The following NIN variants were observed in gnomAD, a reference collection of about 807,000 sequenced individuals.
NIN encodes the protein glycogen synthase kinase 3 beta-interacting protein.
In NIN, 137 loss-of-function variants were observed where a neutral mutation model predicts 257.6. The observed-to-expected ratio is 0.53, with a 90% confidence interval of 0.46 to 0.61. The LOEUF is 0.61. Among genes scored for constraint, NIN ranks in the 20% least tolerant of loss-of-function variants. NIN has a pLI of 0.00. For missense variants in NIN, 2,439 were observed against 2,501.2 expected (o/e 0.98, Z 0.53); for synonymous variants, 918 against 919.8 (o/e 1.00, Z 0.04).
chr14:50,771,473 A>C lies in NIN; in HGVS notation c.982-5T>G. 1 of 1,613,986 alleles carries C rather than the reference A, an allele frequency of 6.2e-7. No individual in the cohort carries two copies. Among genetic ancestry groups the C allele is most frequent in the Non-Finnish European group, 8.5e-7 (1 of 1,179,956 alleles). On this transcript the variant is annotated splice_region_variant and splice_polypyrimidine_tract_variant and intron_variant, in intron 9 of 30. Coordinates refer to ENST00000530997, the MANE Select transcript of NIN (RefSeq NM_020921.4). ...ATCGAGGCTGAAATCCAAGGCCTAGAAATCAGAGCAAGGCGTAAATTCAAA... is the reference window on the plus strand; with the variant it reads ...ATCGAGGCTGAAATCCAAGGCCTAGCAATCAGAGCAAGGCGTAAATTCAAA...
At chr14:50,791,432 A>C (rs1006375052) in intron 5 of NIN, among the ~76,000 whole-genome samples, 1 of 151,694 alleles carries the variant, frequency 6.6e-6, no homozygotes, top group Non-Finnish European at 1.5e-5. Context: ...CACTACTCTT[A>C]TACCACTTTT....
chr14:50,720,782 T>C lies in NIN; in HGVS notation c.*2681A>G, dbSNP rs2040256192. Reference sequence around the variant, plus strand: ...ACAATAGGATGAGAGAGGTGGGTTTTACTATCCACATTTTCCTTTTCTTAG... The same window carrying C: ...ACAATAGGATGAGAGAGGTGGGTTTCACTATCCACATTTTCCTTTTCTTAG... On this transcript the variant is annotated 3_prime_UTR_variant, in exon 31 of 31. Coordinates refer to ENST00000530997, the MANE Select transcript of NIN (RefSeq NM_020921.4). 1 of 202,428 alleles carries C rather than the reference T, an allele frequency of 4.9e-6. No individual in the cohort carries two copies. The allele number at this position is 202,428 out of a possible 1,614,324, so 12.5% of individuals were successfully genotyped here.
chr14:50,809,105 A>C (rs1811883), intron 3 of NIN, among the ~76,000 whole-genome samples: 144,204 of 152,270 alleles, frequency 0.95, 68,329 homozygotes, highest in East Asian at 1. Context: ...CCTGTAATCT[A>C]AGCTACTTGG....
At chr14:50,770,583 C>T (rs748846142) in intron 11 of NIN, 21 bp from the exon 12 acceptor site, 4 of 1,611,228 alleles carry the variant, frequency 2.5e-6, no homozygotes, top group Non-Finnish European at 3.4e-6. Flanking sequence ...GAAAAATGGA[C>T]AAGCTGCCAT....
chr14:50,781,792 T>A (rs558883723), intron 5 of NIN, among the ~76,000 whole-genome samples: 1 of 151,762 alleles, frequency 6.6e-6, no homozygotes, highest in African/African-American at 2.4e-5. Context: ...GCCTGGCACA[T>A]AGTAAGCTCT....
intron 3 of NIN, among the ~76,000 whole-genome samples, chr14:50,814,818 T>C (rs1595927118): frequency 6.6e-6 from 1 of 152,190 alleles, no homozygotes. Flanking sequence ...CAAATGGTGC[T>C]GGGAGAACTG....
rs2041276266 is a variant in NIN at position 50,741,451 on chromosome 14, A to G, written c.5448+131T>C. On this transcript the variant is annotated intron_variant, in intron 25 of 30. Transcript: ENST00000530997. ...ACATTTTTATCTAAGTGATGGTTAT[A>G]CAAACACAGATACATAAAATATGCA... The G allele has an allele frequency of 5.5e-6, 4 of 722,354 alleles. No individual in the cohort carries two copies. The East Asian group carries it at 1.1e-4, about 20-fold the overall frequency. 44.7% of individuals were successfully genotyped at this position (722,354 alleles called of 1,614,324 possible).
In NIN at chr14:50,778,756, G is replaced by C; in HGVS notation, c.475+9C>G. On this transcript the variant is annotated intron_variant, in intron 6 of 30. Transcript: ENST00000530997. ...CTTCCAGGCACGTCCTGACACACTCGGCTCTTACCTTCCGCTTCATACTCC... is the reference window on the plus strand; with the variant it reads ...CTTCCAGGCACGTCCTGACACACTCCGCTCTTACCTTCCGCTTCATACTCC... The C allele has an allele frequency of 6.2e-7, 1 of 1,613,822 alleles. No individual in the cohort carries two copies. The highest frequency in any genetic ancestry group is 8.5e-7 in the Non-Finnish European group (1 of 1,179,888).
At chr14:50,744,095 G>T (rs760303488) in intron 23 of NIN, 148 bp downstream of exon 23, 34 of 728,760 alleles carry the variant, frequency 4.7e-5, no homozygotes, top group Non-Finnish European at 7.3e-5. Context: ...AGGAAGTCTG[G>T]GGTCACAGAA....
intron 21 of NIN, among the ~76,000 whole-genome samples, chr14:50,748,450 T>C (rs745861409): frequency 2.6e-5 from 4 of 152,090 alleles, no homozygotes; most frequent in African/African-American, 4.8e-5. Context: ...CTATTCAACA[T>C]AGTGTTGGAA....
intron 29 of NIN, 131 bp downstream of exon 29, chr14:50,729,392 C>T (rs2040578494): frequency 2.4e-6 from 2 of 827,564 alleles, no homozygotes; most frequent in Non-Finnish European, 3.7e-6. Flanking sequence ...GTCTCAGCCT[C>T]CCAAGTAGCT....
In NIN at chr14:50,743,088, G is replaced by C. The variant is rs1206574054; in HGVS notation, c.5301+328C>G. Reference sequence around the variant, plus strand: ...AAACAATTCTCCTGCCTCAGTCTTTGGAGTAGCTGGGACTTAACAGGCACC... The same window carrying C: ...AAACAATTCTCCTGCCTCAGTCTTTCGAGTAGCTGGGACTTAACAGGCACC... On this transcript the variant is annotated intron_variant, in intron 24 of 30. Transcript: ENST00000530997. 4.6e-5 allele frequency among the ~76,000 whole-genome samples: 7 copies of C among 151,474 alleles called. No homozygotes were observed. The South Asian group carries it at 1.5e-3, about 32-fold the overall frequency.
rs546121965 is a variant in NIN, at chr14:50,722,700, T to G, written c.*763A>C. On this transcript the variant is annotated 3_prime_UTR_variant, in exon 31 of 31. Coordinates refer to ENST00000530997, the MANE Select transcript of NIN (RefSeq NM_020921.4). ...GGTTTGTTCAGTGCTTTCCCTATAG[T>G]TCAACTGCTTTAATTATGTGGCTTT... is the stretch of plus-strand genomic sequence containing the variant. 1 of 216,816 alleles carries G rather than the reference T, an allele frequency of 4.6e-6. No homozygotes were observed. The highest frequency in any genetic ancestry group is 2.2e-5 in the African/African-American group (1 of 44,596). 13.4% of individuals were successfully genotyped at this position (216,816 alleles called of 1,614,324 possible). A position where few individuals can be genotyped will look rare whatever the true frequency, so the allele number is the denominator to read the frequency against.
rs1281113219 is a variant in NIN at position 50,723,263 on chromosome 14, ATAATT to A, written c.*195_*199del. ...TTTAAAATAAATTCAAATCTTGGGA[ATAATT>A]TAAGTAGTGAAATATGTGAGTATTT... On this transcript the variant is annotated 3_prime_UTR_variant, in exon 31 of 31. Transcript: ENST00000530997. 4 of 425,380 alleles carry A rather than the reference ATAATT, an allele frequency of 9.4e-6. No homozygotes were observed. In the East Asian group the frequency reaches 1.4e-4, roughly 15 times the overall value. The allele number at this position is 425,380 out of a possible 1,614,324, so 26.4% of individuals were successfully genotyped here. A position where few individuals can be genotyped will look rare whatever the true frequency, so the allele number is the denominator to read the frequency against.
intron 5 of NIN, among the ~76,000 whole-genome samples, chr14:50,779,885 GA>G (rs990615360): frequency 1.2e-4 from 19 of 152,306 alleles, no homozygotes; most frequent in African/African-American, 4.1e-4. Flanking sequence ...GTAGGCTAGA[GA>G]AAGTATAAAA....
In NIN at chr14:50,739,324, G is replaced by T; in HGVS notation, c.5612C>A (p.Thr1871Lys). The T allele has an allele frequency of 1.2e-6, 2 of 1,614,038 alleles. No individual in the cohort carries two copies. Among genetic ancestry groups the T allele is most frequent in the Non-Finnish European group, 1.7e-6 (2 of 1,179,964 alleles). Reference sequence around the variant, plus strand: ...TCCAATTACCTTCTCCCGGGAGTGCGTGAGTTCGGCTTTGGTGTTCTGTAC... The same window carrying T: ...TCCAATTACCTTCTCCCGGGAGTGCTTGAGTTCGGCTTTGGTGTTCTGTAC... ...TMVQNTKAEL[T>K]HSREKVRQLE... Residue 1871 changes from threonine (T) to lysine (K), a missense_variant, in exon 26 of 31, where the codon ACG becomes AAG. By Grantham distance (78) the Thr-to-Lys change is moderately conservative. Coordinates refer to ENST00000530997, the MANE Select transcript of NIN (RefSeq NM_020921.4).
chr14:50,757,507 C>A lies in NIN; in HGVS notation c.3523G>T (p.Ala1175Ser), dbSNP rs746364875. The change falls in exon 18 of 31, where the codon GCT becomes TCT. Residue 1175 changes from alanine to serine, a missense_variant. Physicochemically the swap from Ala to Ser is moderately conservative, Grantham distance 99 (BLOSUM62 1). Transcript: ENST00000530997. The part of the protein sequence containing the change: ...RQEVKIEESE[A>S]SVEGFSELEN... ...AGCTCAGAAAAACCCTCTACTGAAG[C>A]TTCAGACTCCTCTATTTTGACTTCC... 13 of 1,613,924 alleles carry A rather than the reference C, an allele frequency of 8.1e-6. No individual in the cohort carries two copies. The highest frequency in any genetic ancestry group is 1.1e-5 in the Non-Finnish European group (13 of 1,179,994).
rs115371696 is a variant in NIN, at chr14:50,752,828, C to T, written c.4735-95G>A. The T allele has an allele frequency of 3.8e-3, 2,497 of 655,740 alleles. 51 individuals are homozygous for T. The African/African-American group carries it at 0.042, about 11-fold the overall frequency. The allele number at this position is 655,740 out of a possible 1,614,324, so 40.6% of individuals were successfully genotyped here. A position where few individuals can be genotyped will look rare whatever the true frequency, so the allele number is the denominator to read the frequency against. On this transcript the variant is annotated intron_variant, in intron 20 of 30. Transcript: ENST00000530997. ...TTAGAGACATAATTGTCTTTTCCCT[C>T]TTTATATAAAGTTTAAAATATATAT...
intron 6 of NIN, among the ~76,000 whole-genome samples, chr14:50,777,682 A>T (rs984072644): frequency 4.1e-5 from 1 of 24,376 alleles, no homozygotes; most frequent in African/African-American, 6.0e-5. Flanking sequence ...AACTGAAATT[A>T]AAAAAAAAAA....
Sources: allele counts gnomAD v4.1 joint callset (sites outside exome capture counted in the v4.1 genomes callset), GRCh38; gene constraint gnomAD v4.1.1; transcripts MANE v1.5; gene names NCBI Gene and HGNC (gene_info 2026-07-23, HGNC 2026-07-21).